Variants in LCP1 observed in about 807,000 individuals in gnomAD.
The protein encoded by LCP1 is lymphocyte cytosolic protein 1.
LCP1 carries 23 observed loss-of-function variants against 72.0 expected under a neutral mutation model. The ratio of observed to expected loss-of-function variants is 0.32; its 90% CI spans 0.23 to 0.45. The LOEUF is 0.45. Among genes scored for constraint, LCP1 ranks in the 20% least tolerant of loss-of-function variants. The pLI is 1.00. For synonymous variants in LCP1, 245 were observed against 275.4 expected, an observed-to-expected ratio of 0.89 and a Z score of 1.09; for missense variants, 571 against 748.3, an observed-to-expected ratio of 0.76 and a Z score of 2.76.
chr13:46,143,547 A>T, intron 11 of LCP1, 143 bp from the exon 12 acceptor site: 2 of 583,410 alleles, frequency 3.4e-6, no homozygotes, highest in South Asian at 3.9e-5. Context: ...CCATCTATAG[A>T]GGTGAAGAAA....
chr13:46,177,554 C>G lies in LCP1; in HGVS notation c.-25+4557G>C, dbSNP rs550237581. 3.9e-5 allele frequency among the ~76,000 whole-genome samples: 6 copies of G among 152,140 alleles called. No individual in the cohort carries two copies. The East Asian group carries it at 1.2e-3, about 29-fold the overall frequency. On this transcript the variant is annotated intron_variant, in intron 1 of 15. Transcript: ENST00000323076. The stretch of plus-strand genomic sequence containing the variant: ...ACTCGGGAGGCTGAGGCAGGAGAAT[C>G]GCTTGAACCCAGGAGGCGGAGGTTT...
At chr13:46,171,701 C>A (rs186124848) in intron 1 of LCP1, among the ~76,000 whole-genome samples, 1 of 152,200 alleles carries the variant, frequency 6.6e-6, no homozygotes, top group African/African-American at 2.4e-5. Flanking sequence ...AAAATAGTCA[C>A]GCAAATGCAA....
Position 46,158,612 on chromosome 13 carries a change from A to C in LCP1, c.268T>G (p.Phe90Val), listed in dbSNP as rs1373158744. The change falls in exon 4 of 16, where the codon TTT (phenylalanine) becomes GTT (valine). Residue 90 changes from phenylalanine to valine, a missense_variant. Physicochemically the swap from Phe to Val is conservative, Grantham distance 50. Coordinates refer to ENST00000323076, the MANE Select transcript of LCP1 (RefSeq NM_002298.5). ...GLKSTDVAKTFRKAINKKEGI... is the reference protein window; with the variant it reads ...GLKSTDVAKTVRKAINKKEGI... ...TCCTTCTTATTGATTGCTTTTCTAAAGGTCTTGGCAACATCTGTGCTTTTT... is the reference window on the plus strand; with the variant it reads ...TCCTTCTTATTGATTGCTTTTCTAACGGTCTTGGCAACATCTGTGCTTTTT... The C allele has an allele frequency of 6.2e-7, 1 of 1,614,214 alleles. No homozygotes were observed. The highest frequency in any genetic ancestry group is 8.5e-7 in the Non-Finnish European group (1 of 1,180,024).
rs1217646606 is a variant in LCP1 at position 46,130,942 on chromosome 13, T to C, written c.1627-4A>G. 7 of 1,590,504 alleles carry C rather than the reference T, an allele frequency of 4.4e-6. No individual in the cohort carries two copies. The highest frequency in any genetic ancestry group is 2.7e-5 in the African/African-American group (2 of 73,434). ...GACTTGTACTAATCTTCGGGTCCTA[T>C]GCAGAGACACAGGGAGGGTTTCATC... On this transcript the variant is annotated splice_region_variant and splice_polypyrimidine_tract_variant and intron_variant, in intron 14 of 15. Transcript: ENST00000323076.
At chr13:46,163,212 A>G (rs1593960271) in intron 1 of LCP1, among the ~76,000 whole-genome samples, 2 of 152,364 alleles carry the variant, frequency 1.3e-5, no homozygotes, top group Non-Finnish European at 1.5e-5. Flanking sequence ...AAATGTGGGG[A>G]AAAGATAGAG....
rs147907557 is a variant in LCP1, at chr13:46,151,135, T to C, written c.740-57A>G. ...ATGCAGCGATGTTGGGGGAGGGGGG[T>C]TGGTTATAACTTTCATTAAGCTCTG... On this transcript the variant is annotated intron_variant, in intron 7 of 15. Transcript: ENST00000323076. The C allele has an allele frequency of 6.1e-3, 9,491 of 1,556,014 alleles. 88 individuals carry two copies. The highest frequency in any genetic ancestry group is 0.035 in the Admixed American group (1,721 of 49,536).
chr13:46,141,212 C>A (rs1172662726), intron 13 of LCP1, among the ~76,000 whole-genome samples: 1 of 151,736 alleles, frequency 6.6e-6, no homozygotes, highest in African/African-American at 2.4e-5. Context: ...TTGAGACCAG[C>A]CTGTCCAACA....
chr13:46,166,802 T>A (rs2045878954), intron 1 of LCP1, among the ~76,000 whole-genome samples: 1 of 152,230 alleles, frequency 6.6e-6, no homozygotes, highest in African/African-American at 2.4e-5. Flanking sequence ...CCCCTTCATT[T>A]TATAAAGTAG....
chr13:46,144,053 G>C (rs910082506), intron 11 of LCP1, among the ~76,000 whole-genome samples: 2 of 151,636 alleles, frequency 1.3e-5, no homozygotes, highest in Admixed American at 1.3e-4. Flanking sequence ...GCGACAGAGC[G>C]AGACTCCATC....
chr13:46,143,441 C>T, intron 11 of LCP1, 37 bp from the exon 12 acceptor site: 1 of 1,414,114 alleles, frequency 7.1e-7, no homozygotes, highest in Non-Finnish European at 1.0e-6. Flanking sequence ...CTCAGATATC[C>T]AACATTTATT....
intron 1 of LCP1, among the ~76,000 whole-genome samples, chr13:46,167,499 A>G (rs1356022989): frequency 1.3e-5 from 2 of 152,160 alleles, no homozygotes; most frequent in Non-Finnish European, 2.9e-5. Flanking sequence ...GGGCTTGGGG[A>G]GGCCTTTCTG....
intron 10 of LCP1, 110 bp downstream of exon 10, chr13:46,146,798 C>T: frequency 9.5e-7 from 1 of 1,057,126 alleles, no homozygotes; most frequent in Non-Finnish European, 1.5e-6. Flanking sequence ...AATTAATGGC[C>T]TGTTTGCACA....
intron 4 of LCP1, among the ~76,000 whole-genome samples, chr13:46,157,707 T>C (rs1244552961): frequency 6.6e-6 from 1 of 151,812 alleles, no homozygotes; most frequent in African/African-American, 2.4e-5. Context: ...AACGTTGTCT[T>C]AGCAACTATA....
chr13:46,170,502 C>T (rs9634799), intron 1 of LCP1, among the ~76,000 whole-genome samples: 47,407 of 151,984 alleles, frequency 0.31, 8,373 homozygotes, highest in African/African-American at 0.47. Context: ...GTAAGCTGAG[C>T]GCTGCTGAGG....
At chr13:46,159,365 C>A (rs374717106) in intron 2 of LCP1, 99 of 549,468 alleles carry the variant, frequency 1.8e-4, no homozygotes, top group African/African-American at 1.8e-3. Context: ...ACTTACAAAC[C>A]ATTTCCAGGA....
intron 13 of LCP1, among the ~76,000 whole-genome samples, chr13:46,141,405 C>CAAAAAAAAAA (rs762462829): frequency 3.8e-5 from 2 of 52,322 alleles, no homozygotes; most frequent in Non-Finnish European, 6.6e-5. Context: ...GACTCTGTCT[C>CAAAAAAAAAA]AAAAAAAAAA....
intron 15 of LCP1, among the ~76,000 whole-genome samples, chr13:46,128,552 C>T (rs1395248409): frequency 6.6e-6 from 1 of 151,898 alleles, no homozygotes; most frequent in Non-Finnish European, 1.5e-5. Context: ...GAGCCAAGAT[C>T]GTGCCACTGT....
intron 13 of LCP1, among the ~76,000 whole-genome samples, chr13:46,140,596 T>G (rs2045691450): frequency 6.6e-6 from 1 of 152,178 alleles, no homozygotes; most frequent in Non-Finnish European, 1.5e-5. Flanking sequence ...GTCAAATTCA[T>G]GATATTTGAC....
In LCP1 at chr13:46,127,625, G is replaced by A. The variant is rs868687889; in HGVS notation, c.1850C>T (p.Ala617Val). 1 of 1,614,132 alleles carries A rather than the reference G, an allele frequency of 6.2e-7. No individual in the cohort carries two copies. Among genetic ancestry groups the A allele is most frequent in the South Asian group, 1.1e-5 (1 of 91,078 alleles). The stretch of plus-strand genomic sequence containing the variant: ...CTTCATTCCTTTCCCCATGAGGCAG[G>A]CAAACACGGTCATGACCATTTTGGG... ...VNPKMVMTVF[A>V]CLMGKGMKRV Residue 617 changes from alanine to valine, a missense_variant, in exon 16 of 16, where the codon GCC becomes GTC. By Grantham distance (64) the Ala-to-Val change is moderately conservative. Coordinates refer to ENST00000323076, the MANE Select transcript of LCP1 (RefSeq NM_002298.5).
Sources: allele counts gnomAD v4.1 joint callset (sites outside exome capture counted in the v4.1 genomes callset), GRCh38; gene constraint gnomAD v4.1.1; transcripts MANE v1.5; gene names NCBI Gene and HGNC (gene_info 2026-07-23, HGNC 2026-07-21).